The following RARB variants were observed in gnomAD, a reference collection of about 807,000 sequenced individuals.
RARB encodes the protein HBV-activated protein.
Under a neutral mutation model 51.9 loss-of-function variants are expected in RARB, and 17 were observed. The ratio of observed to expected loss-of-function variants is 0.33; its 90% CI spans 0.22 to 0.49. RARB has a LOEUF of 0.49. RARB is among the 20% of genes least tolerant of loss of function. The pLI is 0.99. For synonymous variants in RARB, 215 were observed against 195.4 expected, an observed-to-expected ratio of 1.10 and a Z score of -0.84; for missense variants, 369 against 550.8, an observed-to-expected ratio of 0.67 and a Z score of 3.30.
chr3:25,330,879 T>C (rs1304374138), intron 5 of RARB, among the ~76,000 whole-genome samples: 2 of 152,130 alleles, frequency 1.3e-5, no homozygotes, highest in Non-Finnish European at 2.9e-5. Context: ...GTAATCCTAG[T>C]CTCTGATAAA....
At chr3:24,833,937 T>A (rs1393062768) in intron 1 of RARB, among the ~76,000 whole-genome samples, 2 of 152,238 alleles carry the variant, frequency 1.3e-5, no homozygotes, top group African/African-American at 4.8e-5. Flanking sequence ...TCCAGGCCGA[T>A]ATCACCTTTC....
intron 2 of RARB, among the ~76,000 whole-genome samples, chr3:24,865,918 C>T (rs1453988426): frequency 6.6e-6 from 1 of 151,952 alleles, no homozygotes. Context: ...TATTTTTATG[C>T]CATAATATAA....
intron 2 of RARB, among the ~76,000 whole-genome samples, chr3:25,483,375 A>C (rs937599188): frequency 5.3e-5 from 8 of 152,176 alleles, no homozygotes; most frequent in African/African-American, 1.9e-4. Context: ...AGAATCACAC[A>C]TACTGTGGTA....
chr3:25,294,476 G>T (rs907143008), intron 5 of RARB, among the ~76,000 whole-genome samples: 19 of 152,192 alleles, frequency 1.2e-4, no homozygotes, highest in African/African-American at 4.6e-4. Context: ...GTTGATGTAA[G>T]AGCTAAAAGA....
At chr3:25,169,903 G>A (rs924253169) in intron 4 of RARB, among the ~76,000 whole-genome samples, 3 of 151,134 alleles carry the variant, frequency 2.0e-5, no homozygotes, top group African/African-American at 7.3e-5. Context: ...TGGAAAGATT[G>A]CTTGTGCTCA....
At chr3:25,053,486 C>A (rs904914695) in intron 2 of RARB, among the ~76,000 whole-genome samples, 2 of 152,112 alleles carry the variant, frequency 1.3e-5, no homozygotes, top group Non-Finnish European at 2.9e-5. Flanking sequence ...GGCGGCAGTT[C>A]CTAAAACACA....
At chr3:25,547,593 C>A (rs780235367) in intron 3 of RARB, among the ~76,000 whole-genome samples, 1 of 152,206 alleles carries the variant, frequency 6.6e-6, no homozygotes, top group Non-Finnish European at 1.5e-5. Flanking sequence ...GTGGGTTACC[C>A]TTTGATGTCA....
intron 5 of RARB, among the ~76,000 whole-genome samples, chr3:25,321,428 T>C (rs1575310475): frequency 6.6e-6 from 1 of 152,084 alleles, no homozygotes; most frequent in Admixed American, 6.6e-5. Flanking sequence ...TTTTAAATTA[T>C]GCTATCAGGT....
At chr3:25,273,613 A>G (rs1193911043) in intron 5 of RARB, among the ~76,000 whole-genome samples, 1 of 152,230 alleles carries the variant, frequency 6.6e-6, no homozygotes, top group African/African-American at 2.4e-5. Context: ...GACAGCAGGC[A>G]GAAGGGAAAG....
At chr3:25,331,250 T>G (rs1194060607) in intron 5 of RARB, among the ~76,000 whole-genome samples, 2 of 152,130 alleles carry the variant, frequency 1.3e-5, no homozygotes, top group Non-Finnish European at 2.9e-5. Flanking sequence ...TCGCACTTAT[T>G]CCAAAATTGA....
chr3:24,898,540 C>T (rs1263892451), intron 2 of RARB, among the ~76,000 whole-genome samples: 1 of 151,856 alleles, frequency 6.6e-6, no homozygotes, highest in Non-Finnish European at 1.5e-5. Flanking sequence ...GAAAAATAAC[C>T]TTATGCGTAG....
chr3:25,514,570 A>G (rs1698063619), intron 3 of RARB, among the ~76,000 whole-genome samples: 1 of 151,804 alleles, frequency 6.6e-6, no homozygotes, highest in South Asian at 2.1e-4. Context: ...TATTTTATTG[A>G]TATTGGAAAA....
intron 2 of RARB, among the ~76,000 whole-genome samples, chr3:24,864,099 C>T (rs1702805349): frequency 6.6e-6 from 1 of 152,210 alleles, no homozygotes; most frequent in South Asian, 2.1e-4. Context: ...CTCTATCCTT[C>T]TTTTGCTGCA....
intron 2 of RARB, among the ~76,000 whole-genome samples, chr3:24,906,107 C>T (rs6765578): frequency 0.014 from 2,076 of 152,212 alleles, 50 homozygotes; most frequent in African/African-American, 0.048. Flanking sequence ...TCGAGACAGC[C>T]AATAAGCATG....
At chr3:25,060,126 TAAAAC>T (rs972076203) in exon 3 of RARB, 10 of 151,904 alleles carry the variant, frequency 6.6e-5, no homozygotes, top group African/African-American at 2.4e-4. Context: ...ATTTTACAGA[TAAAAC>T]AGAGTACTGC....
intron 2 of RARB, among the ~76,000 whole-genome samples, chr3:24,889,513 A>G (rs1483194178): frequency 6.6e-6 from 1 of 152,178 alleles, no homozygotes; most frequent in East Asian, 1.9e-4. Context: ...AAATTTTTAC[A>G]TTGATGAAAT....
At position 25,504,753 on chromosome 3, in the gene RARB, A is replaced by C. The variant is rs889863010; in HGVS notation, c.448+3430A>C. Among the ~76,000 whole-genome samples, 4 of 149,614 alleles carry C rather than the reference A, an allele frequency of 2.7e-5. No individual in the cohort carries two copies. In the East Asian group the frequency reaches 5.9e-4, roughly 22 times the overall value. On this transcript the variant is annotated intron_variant, in intron 3 of 7. Coordinates refer to ENST00000330688, the MANE Select transcript of RARB (RefSeq NM_000965.5). ...CTGGACAGGGTATTTTCTATGTGCC[A>C]AGTATTACATTAACCACTTTTTTTT...
chr3:24,939,496 C>G (rs555351114), intron 2 of RARB, among the ~76,000 whole-genome samples: 1 of 152,222 alleles, frequency 6.6e-6, no homozygotes, highest in African/African-American at 2.4e-5. Context: ...TAAAGCCAGG[C>G]TCTTCTTTTA....
intron 5 of RARB, among the ~76,000 whole-genome samples, chr3:25,354,237 T>G (rs909795767): frequency 6.6e-6 from 1 of 152,148 alleles, no homozygotes; most frequent in Non-Finnish European, 1.5e-5. Flanking sequence ...AACTTTCTCA[T>G]GCTTTTGCAT....
Sources: allele counts gnomAD v4.1 joint callset (sites outside exome capture counted in the v4.1 genomes callset), GRCh38; gene constraint gnomAD v4.1.1; transcripts MANE v1.5; gene names NCBI Gene and HGNC (gene_info 2026-07-23, HGNC 2026-07-21).